MAGI2: variants seen among roughly 807,000 people sequenced by gnomAD.
MAGI2 encodes membrane-associated guanylate kinase, WW and PDZ domain-containing protein 2.
MAGI2 carries 35 observed loss-of-function variants against 133.3 expected under a neutral mutation model. The ratio of observed to expected loss-of-function variants is 0.26; its 90% CI spans 0.20 to 0.35. MAGI2 has a LOEUF of 0.35. Among genes scored for constraint, MAGI2 ranks in the 10% least tolerant of loss-of-function variants. The pLI is 1.00. For synonymous variants in MAGI2, 729 were observed against 710.6 expected (o/e 1.03, Z -0.41); for missense variants, 1,636 against 1,863.4 (o/e 0.88, Z 2.25).
At chr7:79,312,150 G>C (rs1215659973) in intron 1 of MAGI2, among the ~76,000 whole-genome samples, 1 of 152,076 alleles carries the variant, frequency 6.6e-6, no homozygotes, top group Non-Finnish European at 1.5e-5. Context: ...TTTTTGTCAA[G>C]TAAATTCAAT....
chr7:79,385,370 T>G (rs982471404), intron 1 of MAGI2, among the ~76,000 whole-genome samples: 2 of 151,912 alleles, frequency 1.3e-5, no homozygotes, highest in Non-Finnish European at 2.9e-5. Flanking sequence ...ATCATAAAAT[T>G]GTTTTAAGAT....
intron 6 of MAGI2, among the ~76,000 whole-genome samples, chr7:78,396,454 T>G (rs1053705695): frequency 5.9e-5 from 9 of 152,166 alleles, no homozygotes; most frequent in Non-Finnish European, 1.2e-4. Context: ...TTTACTTTAC[T>G]TGGAACGTTC....
chr7:78,309,017 T>C (rs1006647848), intron 9 of MAGI2, among the ~76,000 whole-genome samples: 3 of 142,466 alleles, frequency 2.1e-5, no homozygotes, highest in Non-Finnish European at 4.9e-5. Flanking sequence ...GAATGACTAT[T>C]ATTAAAAAGG....
At chr7:78,042,262 T>G (rs959573668) in intron 21 of MAGI2, among the ~76,000 whole-genome samples, 4 of 152,204 alleles carry the variant, frequency 2.6e-5, no homozygotes, top group Admixed American at 2.6e-4. Flanking sequence ...TTGGCTAAGC[T>G]TACATGCTTT....
chr7:78,897,306 T>A (rs1211479900), intron 2 of MAGI2, among the ~76,000 whole-genome samples: 1 of 152,142 alleles, frequency 6.6e-6, no homozygotes, highest in Non-Finnish European at 1.5e-5. Context: ...GTCTGCAGGA[T>A]CTTAGGCTTG....
chr7:78,746,788 T>C (rs944484897), intron 2 of MAGI2, among the ~76,000 whole-genome samples: 5 of 152,212 alleles, frequency 3.3e-5, no homozygotes, highest in Admixed American at 2.0e-4. Context: ...TAGTTTTTTT[T>C]ACAAAGCATA....
chr7:78,525,481 A>T (rs1350490566), intron 3 of MAGI2, among the ~76,000 whole-genome samples: 1 of 152,216 alleles, frequency 6.6e-6, no homozygotes, highest in African/African-American at 2.4e-5. Context: ...TAGGTAACGT[A>T]CCAGTATGTT....
intron 1 of MAGI2, among the ~76,000 whole-genome samples, chr7:79,187,441 T>C (rs981653186): frequency 1.3e-5 from 2 of 151,772 alleles, no homozygotes; most frequent in Non-Finnish European, 2.9e-5. Flanking sequence ...CTTAGCTTAG[T>C]CCTTACCCTC....
intron 6 of MAGI2, among the ~76,000 whole-genome samples, chr7:78,461,944 A>AAG (rs1790095844): frequency 1.1e-5 from 1 of 94,262 alleles, no homozygotes; most frequent in African/African-American, 4.5e-5. Context: ...AAAAAAAAAA[A>AAG]AAAGAAAGAA....
intron 15 of MAGI2, among the ~76,000 whole-genome samples, chr7:78,161,751 A>G (rs1287549922): frequency 1.3e-5 from 2 of 151,812 alleles, no homozygotes; most frequent in Non-Finnish European, 1.5e-5. Context: ...ACCAAAATAT[A>G]CTAATTTCTT....
At chr7:78,246,973 A>G (rs754430402) in intron 10 of MAGI2, among the ~76,000 whole-genome samples, 3 of 152,158 alleles carry the variant, frequency 2.0e-5, no homozygotes, top group African/African-American at 7.2e-5. Flanking sequence ...ACTCTGCCTC[A>G]GAGAGTAAAC....
chr7:78,785,761 T>C lies in MAGI2; in HGVS notation c.419-158522A>G, dbSNP rs546680318. Among the ~76,000 whole-genome samples the C allele has an allele frequency of 5.9e-5, 9 of 152,360 alleles. No individual in the cohort carries two copies. The South Asian group carries it at 1.9e-3, about 32-fold the overall frequency. ...AAGTGAAAAGTTGGACAAGATATTC[T>C]TTATGATCTCTTTTGATTTTAAAAT... On this transcript the variant is annotated intron_variant, in intron 2 of 21. Coordinates refer to ENST00000354212, the MANE Select transcript of MAGI2 (RefSeq NM_012301.4).
chr7:78,240,132 C>T (rs1790983474), intron 10 of MAGI2, among the ~76,000 whole-genome samples: 1 of 152,226 alleles, frequency 6.6e-6, no homozygotes, highest in Non-Finnish European at 1.5e-5. Context: ...ATCCCTCCTT[C>T]AGCCTCCTGC....
intron 2 of MAGI2, among the ~76,000 whole-genome samples, chr7:78,837,872 T>C (rs571994227): frequency 6.6e-6 from 1 of 152,098 alleles, no homozygotes; most frequent in Non-Finnish European, 1.5e-5. Flanking sequence ...CATTTGAGGT[T>C]TTTCACTAGC....
chr7:78,721,007 A>AT (rs1006031572), intron 2 of MAGI2, among the ~76,000 whole-genome samples: 2 of 152,076 alleles, frequency 1.3e-5, no homozygotes, highest in Admixed American at 6.5e-5. Context: ...GGGCCTAATC[A>AT]TTTTTCTAGA....
intron 1 of MAGI2, among the ~76,000 whole-genome samples, chr7:79,286,599 A>AGATG (rs1473777499): frequency 4.0e-5 from 1 of 24,990 alleles, no homozygotes; most frequent in Non-Finnish European, 1.6e-4. Context: ...GCTCAGAAAC[A>AGATG]GCCCAAAATA....
At chr7:78,585,912 G>C (rs1296845261) in intron 3 of MAGI2, among the ~76,000 whole-genome samples, 2 of 152,148 alleles carry the variant, frequency 1.3e-5, no homozygotes, top group South Asian at 4.1e-4. Context: ...CCAGAGAATG[G>C]CAAGTCTGGG....
In MAGI2 at chr7:78,168,009, C is replaced by T. The variant is rs762040290; in HGVS notation, c.2503G>A (p.Gly835Ser). 5.6e-6 allele frequency: 9 copies of T among 1,613,980 alleles called. No individual in the cohort carries two copies. Among genetic ancestry groups the T allele is most frequent in the Admixed American group, 1.7e-5 (1 of 59,980 alleles). The part of the protein sequence containing the change: ...LVYVDGIPVA[G>S]KTHRYVIDLM... Reference sequence around the variant, plus strand: ...TCGATGACATAGCGGTGGGTTTTGCCGGCTACTGGAATCCCATCAACATAC... The same window carrying T: ...TCGATGACATAGCGGTGGGTTTTGCTGGCTACTGGAATCCCATCAACATAC... The change falls in exon 15 of 22, where the codon GGC becomes AGC. Residue 835 changes from glycine to serine, a missense_variant. By Grantham distance (56) the Gly-to-Ser change is moderately conservative (BLOSUM62 0). Coordinates refer to ENST00000354212, the MANE Select transcript of MAGI2 (RefSeq NM_012301.4).
At chr7:79,355,641 A>G (rs988781917) in intron 1 of MAGI2, among the ~76,000 whole-genome samples, 1 of 152,206 alleles carries the variant, frequency 6.6e-6, no homozygotes, top group Non-Finnish European at 1.5e-5. Context: ...TGTGTTTGTC[A>G]CTGCCACGAC....
Sources: gnomAD v4.1 joint callset for allele counts (sites outside exome capture counted in the v4.1 genomes callset) on GRCh38, gnomAD v4.1.1 for gene constraint, MANE v1.5 for transcripts, NCBI Gene and HGNC (gene_info 2026-07-23, HGNC 2026-07-21) for gene names.